PRICKLE2: variants seen among roughly 807,000 people sequenced by gnomAD.
PRICKLE2 encodes the protein prickle-like protein 2.
Under a neutral mutation model 81.4 loss-of-function variants are expected in PRICKLE2, and 21 were observed. The ratio of observed to expected loss-of-function variants is 0.26; its 90% CI spans 0.18 to 0.37. The LOEUF (loss-of-function observed/expected upper bound fraction) is 0.37, where lower values mean the gene tolerates loss of function less well. Ranked by LOEUF, PRICKLE2 falls within the 10% of genes least tolerant of loss-of-function variation. The pLI is 1.00. For missense variants in PRICKLE2, 940 were observed against 1,109.0 expected, an observed-to-expected ratio of 0.85 and a Z score of 2.16; for synonymous variants, 456 against 421.5, an observed-to-expected ratio of 1.08 and a Z score of -1.00.
intron 1 of PRICKLE2, among the ~76,000 whole-genome samples, chr3:64,217,235 G>C (rs1315057033): frequency 6.6e-6 from 1 of 151,994 alleles, no homozygotes; most frequent in Non-Finnish European, 1.5e-5. Context: ...AAAGGGACAG[G>C]AGCCCTAAGG....
chr3:64,109,541 G>T (rs901540583), intron 7 of PRICKLE2, among the ~76,000 whole-genome samples: 4 of 152,010 alleles, frequency 2.6e-5, no homozygotes, highest in African/African-American at 9.7e-5. Context: ...TCCTCTGCCA[G>T]CTGCACTGGG....
At chr3:64,209,618 C>G (rs916077784) in intron 1 of PRICKLE2, among the ~76,000 whole-genome samples, 1 of 152,206 alleles carries the variant, frequency 6.6e-6, no homozygotes, top group Non-Finnish European at 1.5e-5. Context: ...AACCTACCAA[C>G]CAACCAACTG....
intron 7 of PRICKLE2, among the ~76,000 whole-genome samples, chr3:64,110,190 G>C (rs1415630332): frequency 6.6e-6 from 1 of 152,160 alleles, no homozygotes; most frequent in Non-Finnish European, 1.5e-5. Context: ...TTTTTTGCCA[G>C]AGTTTGCTCT....
At position 64,099,121 on chromosome 3, in the gene PRICKLE2, G is replaced by C; in HGVS notation, c.2465C>G (p.Ser822Cys). 6.2e-7 allele frequency: 1 copy of C among 1,614,212 alleles called. No individual in the cohort carries two copies. The highest frequency in any genetic ancestry group is 8.5e-7 in the Non-Finnish European group (1 of 1,180,034). The change falls in exon 8 of 8, where the codon TCC becomes TGC. Residue 822 changes from serine to cysteine, a missense_variant. Coordinates refer to ENST00000638394, the MANE Select transcript of PRICKLE2 (RefSeq NM_198859.4). This position sits in a 1 kb window ranked among gnomAD's most constrained non-coding sequence, Gnocchi z 4.3. ...KYSSYGLPKS[S>C]TLGGRGQLHS... ...CAACTGTCCTCTGCCACCTAATGTG[G>C]AAGATTTGGGGAGGCCGTAGGAGCT... is the stretch of plus-strand genomic sequence containing the variant.
At chr3:64,149,484 G>T (rs1012303763) in intron 6 of PRICKLE2, among the ~76,000 whole-genome samples, 4 of 152,230 alleles carry the variant, frequency 2.6e-5, no homozygotes, top group Non-Finnish European at 5.9e-5. Context: ...CCCTTCCCGT[G>T]GGGAGAGCCT....
chr3:64,122,094 G>T (rs1183484981), intron 7 of PRICKLE2, among the ~76,000 whole-genome samples: 1 of 152,140 alleles, frequency 6.6e-6, no homozygotes, highest in Non-Finnish European at 1.5e-5. Context: ...TTTCATAAAG[G>T]GGGTAAAAGG....
At chr3:64,233,876 T>C (rs2079141706) in intron 2 of PRICKLE2, among the ~76,000 whole-genome samples, 1 of 152,156 alleles carries the variant, frequency 6.6e-6, no homozygotes, top group South Asian at 2.1e-4. Context: ...CTAATCTACT[T>C]TCTGTCTCTA....
chr3:64,246,229 A>C (rs1458790221), intron 2 of PRICKLE2, among the ~76,000 whole-genome samples: 1 of 152,166 alleles, frequency 6.6e-6, no homozygotes, highest in Admixed American at 6.5e-5. Flanking sequence ...GCGACAAAGC[A>C]AGACTCCATC....
chr3:64,206,010 G>T (rs1036058273), intron 1 of PRICKLE2, among the ~76,000 whole-genome samples: 4 of 152,168 alleles, frequency 2.6e-5, no homozygotes, highest in Admixed American at 2.6e-4. Flanking sequence ...TTGGTAATTT[G>T]CTAGATGGAA....
chr3:64,167,751 C>T (rs1387082088), intron 2 of PRICKLE2, among the ~76,000 whole-genome samples: 1 of 152,098 alleles, frequency 6.6e-6, no homozygotes, highest in Non-Finnish European at 1.5e-5. Context: ...GTGTGCAAAG[C>T]ACTTTATTTA....
intron 2 of PRICKLE2, among the ~76,000 whole-genome samples, chr3:64,267,672 T>A (rs2107195844): frequency 6.6e-6 from 1 of 152,300 alleles, no homozygotes; most frequent in East Asian, 1.9e-4. Context: ...TTACCATTGC[T>A]GGTTAATAAA....
intron 7 of PRICKLE2, among the ~76,000 whole-genome samples, chr3:64,104,114 G>A (rs1258119650): frequency 2.6e-5 from 4 of 152,102 alleles, no homozygotes; most frequent in South Asian, 4.1e-4. Flanking sequence ...TTTCAATTTC[G>A]TTCCTGGGAT....
rs2076538650 is a variant in PRICKLE2 at position 64,094,223 on chromosome 3, A to C, written c.*4828T>G. 1 of 152,262 alleles carries C rather than the reference A, an allele frequency of 6.6e-6. No homozygotes were observed. The allele number at this position is 152,262 out of a possible 1,614,324, so 9.4% of individuals were successfully genotyped here. ...ATTAATTAAAAAATGGAGGACTCATAGTCCTTACAATGTTAAGTCAGGGTC... is the reference window on the plus strand; with the variant it reads ...ATTAATTAAAAAATGGAGGACTCATCGTCCTTACAATGTTAAGTCAGGGTC... On this transcript the variant is annotated 3_prime_UTR_variant, in exon 8 of 8. Coordinates refer to ENST00000638394, the MANE Select transcript of PRICKLE2 (RefSeq NM_198859.4).
At chr3:64,126,925 A>T (rs1272346022) in intron 7 of PRICKLE2, among the ~76,000 whole-genome samples, 1 of 152,118 alleles carries the variant, frequency 6.6e-6, no homozygotes, top group Non-Finnish European at 1.5e-5. Flanking sequence ...GTCCTCTGTA[A>T]AATGGAGGCT....
intron 1 of PRICKLE2, among the ~76,000 whole-genome samples, chr3:64,207,727 AT>A (rs2078714490): frequency 6.6e-6 from 1 of 152,144 alleles, no homozygotes; most frequent in Admixed American, 6.5e-5. Context: ...GGTCCCTTCG[AT>A]AAAAAAAAAA....
At chr3:64,215,279 C>T (rs1287540960) in intron 1 of PRICKLE2, among the ~76,000 whole-genome samples, 1 of 152,118 alleles carries the variant, frequency 6.6e-6, no homozygotes, top group Non-Finnish European at 1.5e-5. Context: ...TTTGCCAAGG[C>T]TTTCCCTCTC....
chr3:64,252,804 C>G (rs1352509250), intron 2 of PRICKLE2, among the ~76,000 whole-genome samples: 1 of 152,190 alleles, frequency 6.6e-6, no homozygotes, highest in Non-Finnish European at 1.5e-5. Flanking sequence ...TATTAAGGGT[C>G]AGGATCAATA....
chr3:64,244,044 G>GT (rs994584645), intron 2 of PRICKLE2, among the ~76,000 whole-genome samples: 1 of 152,184 alleles, frequency 6.6e-6, no homozygotes, highest in African/African-American at 2.4e-5. Context: ...CCCATCACCT[G>GT]TTTGATGCCA....
chr3:64,133,772 T>C (rs1378563364), intron 7 of PRICKLE2, among the ~76,000 whole-genome samples: 1 of 152,168 alleles, frequency 6.6e-6, no homozygotes, highest in Non-Finnish European at 1.5e-5. Context: ...GAGACAAGGC[T>C]CATCTTTCTG....
Sources: gnomAD v4.1 joint callset for allele counts (sites outside exome capture counted in the v4.1 genomes callset) on GRCh38, gnomAD v4.1.1 for gene constraint, Gnocchi (gnomAD v3.1) non-coding constraint, MANE v1.5 for transcripts, NCBI Gene and HGNC (gene_info 2026-07-23, HGNC 2026-07-21) for gene names.